Variants in DPP10 observed in about 807,000 individuals in gnomAD.
The protein encoded by DPP10 is dipeptidyl peptidase like 10, also known as inactive dipeptidyl peptidase 10.
DPP10 carries 33 observed loss-of-function variants against 120.9 expected under a neutral mutation model. The ratio of observed to expected loss-of-function variants is 0.27; its 90% CI spans 0.21 to 0.37. DPP10 has a LOEUF of 0.37. DPP10 is among the 10% of genes least tolerant of loss of function. The pLI is 1.00. For missense variants in DPP10, 816 were observed against 942.8 expected (o/e 0.87, Z 1.76); for synonymous variants, 337 against 326.1 (o/e 1.03, Z -0.36).
chr2:115,646,382 A>T (rs958747381), intron 5 of DPP10, among the ~76,000 whole-genome samples: 1 of 152,170 alleles, frequency 6.6e-6, no homozygotes, highest in Non-Finnish European at 1.5e-5. Flanking sequence ...CTGGGTAAAA[A>T]AAAAGAAATT....
intron 7 of DPP10, among the ~76,000 whole-genome samples, chr2:115,711,601 T>G (rs1222898698): frequency 6.6e-6 from 1 of 152,052 alleles, no homozygotes; most frequent in Non-Finnish European, 1.5e-5. Flanking sequence ...ATGAAAAAGA[T>G]GCACAGTTGG....
At chr2:114,993,364 C>CT (rs34821521) in intron 1 of DPP10, among the ~76,000 whole-genome samples, 2 of 147,558 alleles carry the variant, frequency 1.4e-5, no homozygotes, top group African/African-American at 5.0e-5. Flanking sequence ...GTGAATAATA[C>CT]TTTTTTTTTT....
intron 1 of DPP10, among the ~76,000 whole-genome samples, chr2:115,179,186 C>G (rs78028694): frequency 0.13 from 19,340 of 151,962 alleles, 1,410 homozygotes; most frequent in African/African-American, 0.17. Flanking sequence ...AATTCTATAC[C>G]TTATAAGATA....
intron 1 of DPP10, among the ~76,000 whole-genome samples, chr2:115,112,378 T>G (rs2049268842): frequency 6.6e-6 from 1 of 152,122 alleles, no homozygotes; most frequent in African/African-American, 2.4e-5. Flanking sequence ...ACATTATTTT[T>G]CTTTTACTTC....
At chr2:115,310,519 G>T (rs1454063267) in intron 2 of DPP10, among the ~76,000 whole-genome samples, 1 of 152,088 alleles carries the variant, frequency 6.6e-6, no homozygotes, top group African/African-American at 2.4e-5. Context: ...TGGAGAGGTT[G>T]AGAAAGAAAT....
intron 1 of DPP10, chr2:114,461,626 G>T (rs1160924691): frequency 2.0e-6 from 2 of 985,386 alleles, no homozygotes; most frequent in Non-Finnish European, 2.4e-6. Context: ...CTTTAAGAAA[G>T]ACAGGGTAAT....
intron 1 of DPP10, among the ~76,000 whole-genome samples, chr2:114,534,674 A>T (rs1686336030): frequency 6.6e-6 from 1 of 151,564 alleles, no homozygotes; most frequent in Admixed American, 6.6e-5. Context: ...ACTGTGCTTG[A>T]TGTCCCTAGA....
rs897266384 is a variant in DPP10 at position 114,638,409 on chromosome 2, A to G, written c.60+195571A>G. On this transcript the variant is annotated intron_variant, in intron 1 of 25. Coordinates refer to ENST00000410059, the MANE Select transcript of DPP10 (RefSeq NM_020868.6). ...CATCTAACGAAGGACTAAAATCCAG[A>G]ATCTATAAGAAACGTAGGCAAAAAA... is the stretch of plus-strand genomic sequence containing the variant. 8.6e-5 allele frequency among the ~76,000 whole-genome samples: 13 copies of G among 151,972 alleles called. No individual in the cohort carries two copies. In the East Asian group the frequency reaches 2.3e-3, roughly 27 times the overall value.
At chr2:114,969,506 G>T (rs1699253752) in intron 1 of DPP10, among the ~76,000 whole-genome samples, 1 of 152,160 alleles carries the variant, frequency 6.6e-6, no homozygotes, top group South Asian at 2.1e-4. Context: ...TTAAAGGAAT[G>T]AGTCAAGAAT....
intron 1 of DPP10, among the ~76,000 whole-genome samples, chr2:115,121,416 C>A (rs2049818001): frequency 6.6e-6 from 1 of 152,204 alleles, no homozygotes. Context: ...CTACTTCCTG[C>A]CTCCAGAGTT....
At chr2:114,912,436 T>C (rs1275699929) in intron 1 of DPP10, among the ~76,000 whole-genome samples, 1 of 152,066 alleles carries the variant, frequency 6.6e-6, no homozygotes, top group African/African-American at 2.4e-5. Context: ...TCAGGAAACA[T>C]CATGTTTACA....
At chr2:115,224,324 A>G (rs2057327957) in intron 1 of DPP10, among the ~76,000 whole-genome samples, 1 of 152,160 alleles carries the variant, frequency 6.6e-6, no homozygotes, top group African/African-American at 2.4e-5. Flanking sequence ...ATATGACCAT[A>G]TGGATTTTTG....
intron 1 of DPP10, among the ~76,000 whole-genome samples, chr2:114,784,947 T>C (rs2106210284): frequency 6.6e-6 from 1 of 152,350 alleles, no homozygotes; most frequent in Non-Finnish European, 1.5e-5. Flanking sequence ...GCAATTCTTA[T>C]TCTCTTAACT....
chr2:115,003,408 TGG>T (rs1453870746), intron 1 of DPP10, among the ~76,000 whole-genome samples: 2 of 152,020 alleles, frequency 1.3e-5, no homozygotes, highest in Non-Finnish European at 2.9e-5. Context: ...AATACCTTAT[TGG>T]GTACTATGCT....
intron 1 of DPP10, among the ~76,000 whole-genome samples, chr2:115,064,064 C>T (rs190526232): frequency 5.9e-4 from 89 of 152,012 alleles, no homozygotes; most frequent in African/African-American, 2.1e-3. Flanking sequence ...TTTATATTGT[C>T]GAATTTTTAA....
At chr2:114,707,892 T>C (rs561464248) in intron 1 of DPP10, among the ~76,000 whole-genome samples, 1 of 152,224 alleles carries the variant, frequency 6.6e-6, no homozygotes, top group South Asian at 2.1e-4. Flanking sequence ...TGTATACAAA[T>C]TTCCAATCCC....
chr2:114,476,815 T>C (rs1298087472), intron 1 of DPP10, among the ~76,000 whole-genome samples: 3 of 152,190 alleles, frequency 2.0e-5, no homozygotes, highest in African/African-American at 4.8e-5. Flanking sequence ...CATGCCTGTA[T>C]AGTCAGCACC....
chr2:115,475,752 C>T (rs1370943572), intron 3 of DPP10, among the ~76,000 whole-genome samples: 1 of 152,182 alleles, frequency 6.6e-6, no homozygotes, highest in Non-Finnish European at 1.5e-5. Flanking sequence ...CCTCCTTTTG[C>T]GTCAGTGTGA....
intron 1 of DPP10, among the ~76,000 whole-genome samples, chr2:115,025,449 G>T (rs1479383522): frequency 6.6e-6 from 1 of 151,984 alleles, no homozygotes; most frequent in Non-Finnish European, 1.5e-5. Context: ...GTTGTGAATG[G>T]TGCTTCAAAA....
Sources: allele counts gnomAD v4.1 joint callset (sites outside exome capture counted in the v4.1 genomes callset), GRCh38; gene constraint gnomAD v4.1.1; transcripts MANE v1.5; gene names NCBI Gene and HGNC (gene_info 2026-07-23, HGNC 2026-07-21).